UNC5C: variants seen among roughly 807,000 people sequenced by gnomAD.
UNC5C encodes the protein netrin receptor UNC5C.
UNC5C carries 47 observed loss-of-function variants against 99.8 expected under a neutral mutation model. That is an observed-to-expected ratio of 0.47 (90% CI 0.37 to 0.60). The LOEUF (loss-of-function observed/expected upper bound fraction) is 0.60, where lower values mean the gene tolerates loss of function less well. UNC5C is among the 20% of genes least tolerant of loss of function. UNC5C has a pLI of 0.00. For missense variants in UNC5C, 1,062 were observed against 1,165.9 expected (o/e 0.91, Z 1.30); for synonymous variants, 487 against 452.2 (o/e 1.08, Z -0.98).
rs17023119 is a variant in UNC5C at position 95,168,541 on chromosome 4, G to T, written c.*693C>A. Reference sequence around the variant, plus strand: ...AACATGAATCACTGTCTTCCCTGCAGTGCTACAGCTTTATTCCCAAAGGGC... The same window carrying T: ...AACATGAATCACTGTCTTCCCTGCATTGCTACAGCTTTATTCCCAAAGGGC... On this transcript the variant is annotated 3_prime_UTR_variant, in exon 16 of 16. Transcript: ENST00000453304. The T allele has an allele frequency of 1.3e-5, 2 of 152,562 alleles. No homozygotes were observed. The highest frequency in any genetic ancestry group is 4.8e-5 in the African/African-American group (2 of 41,378). The allele number at this position is 152,562 out of a possible 1,614,324, so 9.5% of individuals were successfully genotyped here. A position where few individuals can be genotyped will look rare whatever the true frequency, so the allele number is the denominator to read the frequency against.
At chr4:95,180,292 G>A (rs765718560) in intron 14 of UNC5C, among the ~76,000 whole-genome samples, 6 of 152,214 alleles carry the variant, frequency 3.9e-5, no homozygotes, top group Non-Finnish European at 8.8e-5. Context: ...CATGATGGAT[G>A]TCTGCCTGTA....
Position 95,202,881 on chromosome 4 carries a change from C to A in UNC5C, c.1986G>T (p.Glu662Asp). The A allele has an allele frequency of 6.2e-7, 1 of 1,614,188 alleles. No individual in the cohort carries two copies. The highest frequency in any genetic ancestry group is 8.5e-7 in the Non-Finnish European group (1 of 1,180,046). ...CTACCAGGGCGTAGGTGCTGAGGTT[C>A]TCTGTGAGGATGTGGCAGGCCTCTG... ...LDAEACHILT[E>D]NLSTYALVGH... Residue 662 changes from glutamate to aspartate, a missense_variant, in exon 12 of 16, where the codon GAG becomes GAT. Coordinates refer to ENST00000453304, the MANE Select transcript of UNC5C (RefSeq NM_003728.4).
chr4:95,498,717 T>C (rs1721693352), intron 1 of UNC5C, among the ~76,000 whole-genome samples: 3 of 152,010 alleles, frequency 2.0e-5, no homozygotes, highest in Non-Finnish European at 1.5e-5. Flanking sequence ...GTGTTTTTTT[T>C]TTTTCCTTAG....
intron 2 of UNC5C, among the ~76,000 whole-genome samples, chr4:95,331,405 T>C (rs1560789770): frequency 6.6e-6 from 1 of 152,156 alleles, no homozygotes; most frequent in African/African-American, 2.4e-5. Flanking sequence ...CTGTTTTCTA[T>C]AGAGGTTGTA....
At chr4:95,258,830 C>T (rs1043112804) in intron 4 of UNC5C, among the ~76,000 whole-genome samples, 1 of 139,120 alleles carries the variant, frequency 7.2e-6, no homozygotes, top group Non-Finnish European at 1.5e-5. Flanking sequence ...GGCGCAATCT[C>T]GGCTCACTGC....
intron 12 of UNC5C, among the ~76,000 whole-genome samples, chr4:95,191,329 C>T (rs1308378383): frequency 6.6e-6 from 1 of 152,206 alleles, no homozygotes; most frequent in East Asian, 1.9e-4. Flanking sequence ...TGGGAGCCCC[C>T]AGGCAACAGA....
intron 1 of UNC5C, among the ~76,000 whole-genome samples, chr4:95,475,792 A>T (rs1748126533): frequency 6.6e-6 from 1 of 152,076 alleles, no homozygotes; most frequent in African/African-American, 2.4e-5. Flanking sequence ...TTAAAAATAA[A>T]TCTGTTTCTG....
At chr4:95,503,341 CT>C (rs1326707400) in intron 1 of UNC5C, among the ~76,000 whole-genome samples, 2 of 152,176 alleles carry the variant, frequency 1.3e-5, no homozygotes, top group South Asian at 2.1e-4. Flanking sequence ...GAACTGTGAA[CT>C]TTTTTTCTTT....
intron 14 of UNC5C, among the ~76,000 whole-genome samples, chr4:95,172,134 T>C (rs1434675395): frequency 6.7e-6 from 1 of 149,230 alleles, no homozygotes; most frequent in Admixed American, 6.8e-5. Context: ...AGATTCTGGA[T>C]ATTAGCCCTT....
chr4:95,427,746 T>C (rs1746524394), intron 1 of UNC5C, among the ~76,000 whole-genome samples: 1 of 152,172 alleles, frequency 6.6e-6, no homozygotes, highest in Admixed American at 6.5e-5. Flanking sequence ...ACTCACTTGA[T>C]TGTAATATCT....
At chr4:95,283,718 GA>G (rs925901941) in intron 3 of UNC5C, among the ~76,000 whole-genome samples, 1 of 151,874 alleles carries the variant, frequency 6.6e-6, no homozygotes, top group African/African-American at 2.4e-5. Context: ...ATTCCTGTCA[GA>G]AAAAAAAGAC....
At chr4:95,247,337 C>G (rs1350206740) in intron 5 of UNC5C, among the ~76,000 whole-genome samples, 1 of 151,978 alleles carries the variant, frequency 6.6e-6, no homozygotes, top group African/African-American at 2.4e-5. Context: ...ATGTAAAGGA[C>G]AAGCAGATGG....
intron 1 of UNC5C, among the ~76,000 whole-genome samples, chr4:95,462,548 G>C (rs919822033): frequency 6.6e-6 from 1 of 152,126 alleles, no homozygotes; most frequent in African/African-American, 2.4e-5. Flanking sequence ...GTAACTTCTT[G>C]TAATATGGCA....
chr4:95,248,397 A>C, intron 5 of UNC5C: 1 of 343,730 alleles, frequency 2.9e-6, no homozygotes. Context: ...AAAGTCAATT[A>C]TGTGTTAAGG....
intron 1 of UNC5C, among the ~76,000 whole-genome samples, chr4:95,372,263 G>T (rs1048098143): frequency 2.0e-5 from 3 of 152,108 alleles, no homozygotes; most frequent in Admixed American, 1.3e-4. Flanking sequence ...CATGCTGCAG[G>T]ATATGGCTTA....
intron 6 of UNC5C, among the ~76,000 whole-genome samples, chr4:95,244,729 A>T (rs1349596054): frequency 6.6e-6 from 1 of 152,216 alleles, no homozygotes; most frequent in Non-Finnish European, 1.5e-5. Context: ...GTTGAATAAT[A>T]TAAAGGGATT....
chr4:95,365,824 C>T (rs1436496803), intron 1 of UNC5C, among the ~76,000 whole-genome samples: 1 of 152,134 alleles, frequency 6.6e-6, no homozygotes, highest in Non-Finnish European at 1.5e-5. Flanking sequence ...GAGATCTGAG[C>T]TCAGGCACTC....
chr4:95,247,758 T>C (rs577554002), intron 5 of UNC5C, among the ~76,000 whole-genome samples: 2 of 152,322 alleles, frequency 1.3e-5, no homozygotes, highest in African/African-American at 4.8e-5. Context: ...TTCATTGTAT[T>C]TATGGATATT....
intron 12 of UNC5C, among the ~76,000 whole-genome samples, chr4:95,192,300 C>T (rs28465453): frequency 6.4e-5 from 9 of 140,686 alleles, no homozygotes; most frequent in African/African-American, 1.6e-4. Context: ...CACCTCCTCC[C>T]CTTCTCACCT....
Sources: gnomAD v4.1 joint callset for allele counts (sites outside exome capture counted in the v4.1 genomes callset) on GRCh38, gnomAD v4.1.1 for gene constraint, MANE v1.5 for transcripts, NCBI Gene and HGNC (gene_info 2026-07-23, HGNC 2026-07-21) for gene names.